The following SLC2A8 variants were observed in gnomAD, a reference collection of about 807,000 sequenced individuals.
The protein encoded by SLC2A8 is solute carrier family 2 member 8.
A neutral mutation model predicts 49.2 loss-of-function variants in SLC2A8; 53 were observed. The ratio of observed to expected loss-of-function variants is 1.08; its 90% CI spans 0.86 to 1.35. The LOEUF (loss-of-function observed/expected upper bound fraction) is 1.35, where lower values mean the gene tolerates loss of function less well. SLC2A8 is among the 40% of genes most tolerant of loss of function. The pLI is 0.00. For missense variants in SLC2A8, 688 were observed against 671.7 expected (o/e 1.02, Z -0.27); for synonymous variants, 299 against 297.0 (o/e 1.01, Z -0.07).
chr9:127,399,819 G>C lies in SLC2A8; in HGVS notation c.427-88G>C, dbSNP rs972211137. 3 of 1,093,982 alleles carry C rather than the reference G, an allele frequency of 2.7e-6. No individual in the cohort carries two copies. Among genetic ancestry groups the C allele is most frequent in the African/African-American group, 1.6e-5 (1 of 64,452 alleles). The allele number at this position is 1,093,982 out of a possible 1,614,324, so 67.8% of individuals were successfully genotyped here. ...CAGTCTCAAACTCCCAACCTCTGGT[G>C]ATCTGCCCGCCTCGGCCTCCCAGAG... On this transcript the variant is annotated intron_variant, in intron 3 of 9. Transcript: ENST00000373371. This position sits in a 1 kb window ranked among gnomAD's most constrained non-coding sequence, Gnocchi z 4.2.
Position 127,399,080 on chromosome 9 carries a change from T to C in SLC2A8, c.427-827T>C, listed in dbSNP as rs576953862. ...AAGCTATGGAATAACCTTAGATGCA[T>C]GGGTGAGGGCCTGGTGGCCTGTGGG... is the stretch of plus-strand genomic sequence containing the variant. On this transcript the variant is annotated intron_variant, in intron 3 of 9. Transcript: ENST00000373371. This position sits in a 1 kb window ranked among gnomAD's most constrained non-coding sequence, Gnocchi z 4.2. Among the ~76,000 whole-genome samples, 8 of 152,230 alleles carry C rather than the reference T, an allele frequency of 5.3e-5. No individual in the cohort carries two copies. The highest frequency in any genetic ancestry group is 3.9e-4 in the East Asian group (2 of 5,172).
In SLC2A8 at chr9:127,407,128, A is replaced by G. The variant is rs781629382; in HGVS notation, c.1313A>G (p.Tyr438Cys). The G allele has an allele frequency of 6.8e-6, 11 of 1,613,354 alleles. No homozygotes were observed. Among genetic ancestry groups the G allele is most frequent in the East Asian group, 4.5e-5 (2 of 44,892 alleles). The change falls in exon 10 of 10, where the codon TAT becomes TGT. Residue 438 changes from tyrosine to cysteine, a missense_variant. Physicochemically the swap from Tyr to Cys is radical, Grantham distance 194. Transcript: ENST00000373371. ...FSSLMEVLRP[Y>C]GAFWLASAFC... Reference sequence around the variant, plus strand: ...TCTCTGCAGGAGGTCCTCAGGCCCTATGGAGCCTTCTGGCTTGCCTCCGCT... The same window carrying G: ...TCTCTGCAGGAGGTCCTCAGGCCCTGTGGAGCCTTCTGGCTTGCCTCCGCT...
At chr9:127,406,964 G>A (rs1352504840) in intron 9 of SLC2A8, 148 bp from the exon 10 acceptor site, 1 of 839,872 alleles carries the variant, frequency 1.2e-6, no homozygotes, top group South Asian at 1.6e-5. Flanking sequence ...ATGTCCCAGA[G>A]CTGGGTGGAG....
intron 4 of SLC2A8, 167 bp from the exon 5 acceptor site, chr9:127,402,390 T>A (rs763732250): frequency 1.8e-6 from 2 of 1,098,480 alleles, no homozygotes; most frequent in Non-Finnish European, 2.5e-6. Flanking sequence ...GCCCGTGCCA[T>A]GTGCCTTCAT....
intron 4 of SLC2A8, among the ~76,000 whole-genome samples, chr9:127,401,989 C>T (rs1264529773): frequency 6.6e-6 from 1 of 152,222 alleles, no homozygotes; most frequent in African/African-American, 2.4e-5. Context: ...TTATGCTGTT[C>T]TTCATACGTC....
chr9:127,403,913 G>A (rs1376729445), intron 6 of SLC2A8, 46 bp from the exon 7 acceptor site: 2 of 1,602,836 alleles, frequency 1.2e-6, no homozygotes, highest in Non-Finnish European at 1.7e-6. Flanking sequence ...GAGGGACCCA[G>A]CTCTCAGCTG....
intron 4 of SLC2A8, among the ~76,000 whole-genome samples, chr9:127,401,325 C>T (rs898856737): frequency 1.3e-5 from 2 of 152,206 alleles, no homozygotes; most frequent in African/African-American, 4.8e-5. Flanking sequence ...CAAGGGATGA[C>T]TTGAGAACCA....
chr9:127,403,393 G>T, intron 5 of SLC2A8: 1 of 538,834 alleles, frequency 1.9e-6, no homozygotes, highest in Non-Finnish European at 3.3e-6. Context: ...GCAGGGATGA[G>T]GGCAGCAGCT....
At chr9:127,404,631 C>T in intron 7 of SLC2A8, 187 bp from the exon 8 acceptor site, 1 of 624,638 alleles carries the variant, frequency 1.6e-6, no homozygotes. Flanking sequence ...GAACTTTTTG[C>T]AGTTCGCTGA....
At position 127,404,063 on chromosome 9, in the gene SLC2A8, G is replaced by C. The variant is rs760419913; in HGVS notation, c.972G>C (p.Leu324Phe). ...DRAGRRLLLV[L>F]SGVVMVFSTS... ...CAGGGCGGAGGCTGCTCCTGGTCTT[G>C]TCAGGTGAGGGTTCACCCCTGTGCA... Residue 324 changes from leucine (L) to phenylalanine (F), a missense_variant, in exon 7 of 10, where the codon TTG becomes TTC. Physicochemically the swap from Leu to Phe is conservative, Grantham distance 22. Coordinates refer to ENST00000373371, the MANE Select transcript of SLC2A8 (RefSeq NM_014580.5). 2 of 1,593,592 alleles carry C rather than the reference G, an allele frequency of 1.3e-6. No homozygotes were observed. The highest frequency in any genetic ancestry group is 2.7e-5 in the African/African-American group (2 of 74,536).
In SLC2A8 at chr9:127,407,295, G is replaced by C; in HGVS notation, c.*46G>C. On this transcript the variant is annotated 3_prime_UTR_variant, in exon 10 of 10. Coordinates refer to ENST00000373371, the MANE Select transcript of SLC2A8 (RefSeq NM_014580.5). ...GAGCAAGCCTGTGACTCCAAGCTGGGCCCAAGCCCAGAGCCCCTGCCTGCC... is the reference window on the plus strand; with the variant it reads ...GAGCAAGCCTGTGACTCCAAGCTGGCCCCAAGCCCAGAGCCCCTGCCTGCC... 1.2e-6 allele frequency: 2 copies of C among 1,610,268 alleles called. No individual in the cohort carries two copies. Among genetic ancestry groups the C allele is most frequent in the Non-Finnish European group, 1.7e-6 (2 of 1,178,216 alleles).
rs1055510614 is a variant in SLC2A8, at chr9:127,397,197, C to A, written c.-34C>A. On this transcript the variant is annotated 5_prime_UTR_variant, in exon 1 of 10. Transcript: ENST00000373371. Reference sequence around the variant, plus strand: ...CTCGCAGGGCCCGTGGCGGTTCAGGCGCCAGAGCTGGCCGATCGGCGTTGG... The same window carrying A: ...CTCGCAGGGCCCGTGGCGGTTCAGGAGCCAGAGCTGGCCGATCGGCGTTGG... The A allele has an allele frequency of 2.8e-6, 4 of 1,450,826 alleles. No homozygotes were observed. The highest frequency in any genetic ancestry group is 1.5e-5 in the African/African-American group (1 of 67,226). 89.9% of individuals were successfully genotyped at this position (1,450,826 alleles called of 1,614,324 possible).
Position 127,399,948 on chromosome 9 carries a change from G to C in SLC2A8, c.468G>C (p.Leu156Phe). 1 of 1,613,834 alleles carries C rather than the reference G, an allele frequency of 6.2e-7. No individual in the cohort carries two copies. The highest frequency in any genetic ancestry group is 8.5e-7 in the Non-Finnish European group (1 of 1,179,810). ...SEIAYPAVRGLLGSCVQLMVV... is the reference protein window; with the variant it reads ...SEIAYPAVRGFLGSCVQLMVV... ...TCGCCTACCCAGCAGTCCGGGGGTTGCTCGGCTCCTGTGTGCAGCTAATGG... is the reference window on the plus strand; with the variant it reads ...TCGCCTACCCAGCAGTCCGGGGGTTCCTCGGCTCCTGTGTGCAGCTAATGG... Residue 156 changes from leucine (L) to phenylalanine (F), a missense_variant, in exon 4 of 10, where the codon TTG becomes TTC. Coordinates refer to ENST00000373371, the MANE Select transcript of SLC2A8 (RefSeq NM_014580.5). This position sits in a 1 kb window ranked among gnomAD's most constrained non-coding sequence, Gnocchi z 4.2.
chr9:127,402,454 A>G, intron 4 of SLC2A8, 103 bp from the exon 5 acceptor site: 1 of 1,425,564 alleles, frequency 7.0e-7, no homozygotes, highest in Non-Finnish European at 9.2e-7. Context: ...AGATGTGCAG[A>G]GGCAGCGAGG....
At chr9:127,401,974 T>A (rs959461538) in intron 4 of SLC2A8, among the ~76,000 whole-genome samples, 1 of 152,258 alleles carries the variant, frequency 6.6e-6, no homozygotes, top group South Asian at 2.1e-4. Context: ...TAGGTAATTC[T>A]GCACTTATGC....
chr9:127,401,481 A>T (rs925339825), intron 4 of SLC2A8, among the ~76,000 whole-genome samples: 5 of 152,150 alleles, frequency 3.3e-5, no homozygotes, highest in Admixed American at 6.5e-5. Context: ...CAAATTCAGA[A>T]TCCTGCCAGC....
chr9:127,406,398 C>G (rs936307455), intron 9 of SLC2A8, among the ~76,000 whole-genome samples: 1 of 152,064 alleles, frequency 6.6e-6, no homozygotes, highest in Non-Finnish European at 1.5e-5. Flanking sequence ...GGGGCCAGGC[C>G]GATGCCTGGG....
chr9:127,402,871 C>T, intron 5 of SLC2A8, 118 bp downstream of exon 5: 6 of 1,254,304 alleles, frequency 4.8e-6, no homozygotes, highest in Non-Finnish European at 6.4e-6. Context: ...CCTATCCACC[C>T]TCCACCCTCA....
At position 127,397,465 on chromosome 9, in the gene SLC2A8, C is replaced by T. The variant is rs1441052884; in HGVS notation, c.146C>T (p.Pro49Leu). 3 of 1,487,234 alleles carry T rather than the reference C, an allele frequency of 2.0e-6. No individual in the cohort carries two copies. Among genetic ancestry groups the T allele is most frequent in the Non-Finnish European group, 2.7e-6 (3 of 1,127,132 alleles). The allele number at this position is 1,487,234 out of a possible 1,614,324, so 92.1% of individuals were successfully genotyped here. ...GGCTTCGCGCTCGGCTACAGCTCCC[C>T]GGCCATCCCTAGCCTGCAGCGCGCC... ...SFGFALGYSS[P>L]AIPSLQRAAP... Residue 49 changes from proline (P) to leucine (L), a missense_variant, in exon 2 of 10, where the codon CCG (proline) becomes CTG (leucine). Transcript: ENST00000373371.
Sources: gnomAD v4.1 joint callset for allele counts (sites outside exome capture counted in the v4.1 genomes callset) on GRCh38, gnomAD v4.1.1 for gene constraint, Gnocchi (gnomAD v3.1) non-coding constraint, MANE v1.5 for transcripts, NCBI Gene and HGNC (gene_info 2026-07-23, HGNC 2026-07-21) for gene names.